The following ZC3H13 variants were observed in gnomAD, a reference collection of about 807,000 sequenced individuals.
ZC3H13 encodes zinc finger CCCH-type containing 13.
Under a neutral mutation model 204.1 loss-of-function variants are expected in ZC3H13, and 64 were observed. The observed-to-expected ratio is 0.31, with a 90% CI of 0.26 to 0.39. The LOEUF (loss-of-function observed/expected upper bound fraction) is 0.39, where lower values mean the gene tolerates loss of function less well. Among genes scored for constraint, ZC3H13 ranks in the 10% least tolerant of loss-of-function variants. ZC3H13 has a pLI of 1.00. For synonymous variants in ZC3H13, 667 were observed against 693.7 expected, an observed-to-expected ratio of 0.96 and a Z score of 0.60; for missense variants, 1,833 against 2,082.7, an observed-to-expected ratio of 0.88 and a Z score of 2.33.
intron 10 of ZC3H13, among the ~76,000 whole-genome samples, chr13:45,983,413 ATT>A (rs1555277661): frequency 1.3e-4 from 4 of 31,130 alleles, no homozygotes; most frequent in South Asian, 1.0e-3. Flanking sequence ...ATATATATAT[ATT>A]TTTTTTTTTT....
chr13:45,979,928 T>G lies in ZC3H13; in HGVS notation c.1797A>C (p.Arg599=), dbSNP rs1226990575. 1.2e-6 allele frequency: 2 copies of G among 1,612,644 alleles called. No homozygotes were observed. Among genetic ancestry groups the G allele is most frequent in the South Asian group, 2.2e-5 (2 of 90,964 alleles). The change falls in exon 11 of 19, where the codon CGA becomes CGC. Residue 599 remains arginine, a synonymous_variant. Transcript: ENST00000679008. Reference sequence around the variant, plus strand: ...ATCTATCTCTTTCAGGATAGCTACTTCGAGTTTCCCAGCTGTCATGATAGT... The same window carrying G: ...ATCTATCTCTTTCAGGATAGCTACTGCGAGTTTCCCAGCTGTCATGATAGT... ...NSNYHDSWET[R]SSYPERDRYP... is the part of the protein sequence containing the mutation.
chr13:45,964,852 A>C (rs1951959234), intron 16 of ZC3H13, among the ~76,000 whole-genome samples: 1 of 152,182 alleles, frequency 6.6e-6, no homozygotes, highest in South Asian at 2.1e-4. Flanking sequence ...AAATTGATAG[A>C]GGTATATAGT....
chr13:45,975,868 T>A (rs763545784), intron 11 of ZC3H13, 30 bp from the exon 12 acceptor site: 2 of 1,597,912 alleles, frequency 1.3e-6, no homozygotes, highest in Non-Finnish European at 1.7e-6. Context: ...TTGTCAGTGA[T>A]TAATTTGACA....
intron 4 of ZC3H13, among the ~76,000 whole-genome samples, chr13:46,032,302 T>TA (rs1210894103): frequency 6.7e-6 from 1 of 148,618 alleles, no homozygotes; most frequent in Non-Finnish European, 1.5e-5. Context: ...CTGTACTTGA[T>TA]ATCTTAAGTA....
chr13:45,962,188 CAAGA>C, intron 17 of ZC3H13: 1 of 985,288 alleles, frequency 1.0e-6, no homozygotes, highest in Non-Finnish European at 1.2e-6. Flanking sequence ...TGGCAGTAAA[CAAGA>C]CAAAGTCTTT....
intron 8 of ZC3H13, among the ~76,000 whole-genome samples, chr13:45,991,426 A>C (rs1406601800): frequency 6.6e-6 from 1 of 152,184 alleles, no homozygotes; most frequent in African/African-American, 2.4e-5. Flanking sequence ...CTTTTTAATC[A>C]TATTTTCTTT....
chr13:45,957,640 T>C (rs1951359171), intron 18 of ZC3H13, among the ~76,000 whole-genome samples: 2 of 152,214 alleles, frequency 1.3e-5, no homozygotes, highest in Non-Finnish European at 2.9e-5. Context: ...GCACTATTTC[T>C]TCCATGTGAT....
chr13:46,003,203 T>C lies in ZC3H13; in HGVS notation c.880A>G (p.Thr294Ala), dbSNP rs763237553. The change falls in exon 8 of 19, where the codon ACA (threonine) becomes GCA (alanine). Residue 294 changes from threonine to alanine, a missense_variant. Thr to Ala is a moderately conservative substitution (Grantham distance 58, BLOSUM62 0). This residue lies in a region of ZC3H13 where 1,574 missense variants were observed against 1,757.2 expected (regional missense o/e 0.90). Transcript: ENST00000679008. ...YKVKDRIEEK[T>A]RDGKDRGRDF... ...CGTCCTCTGTCCTTTCCATCTCTTG[T>C]TTTTTCTTCTATCCTGTCTTTTACT... 2.4e-5 allele frequency: 38 copies of C among 1,613,124 alleles called. No individual in the cohort carries two copies. Among genetic ancestry groups the C allele is most frequent in the Non-Finnish European group, 3.2e-5 (38 of 1,179,804 alleles).
At position 46,032,996 on chromosome 13, in the gene ZC3H13, T is replaced by C. The variant is rs548709487; in HGVS notation, c.339+9168A>G. Among the ~76,000 whole-genome samples, 6 of 152,098 alleles carry C rather than the reference T, an allele frequency of 3.9e-5. No homozygotes were observed. The South Asian group carries it at 6.2e-4, about 16-fold the overall frequency. On this transcript the variant is annotated intron_variant, in intron 4 of 18. Transcript: ENST00000679008. ...TATATATGTAAATATTAAATATATA[T>C]ATGTGTGTATTAAAACAGCCGGATT...
rs1311264663 is a variant in ZC3H13, at chr13:45,979,446, G to A, written c.1912+367C>T. On this transcript the variant is annotated intron_variant, in intron 11 of 18. Transcript: ENST00000679008. ...AAATTCTATTGATCATAGCAAATGA[G>A]TGAGTAGACAGGATACTCAGATGTA... 2.0e-5 allele frequency among the ~76,000 whole-genome samples: 3 copies of A among 152,018 alleles called. No individual in the cohort carries two copies. The East Asian group carries it at 5.8e-4, about 29-fold the overall frequency.
At chr13:45,979,766 G>T in intron 11 of ZC3H13, 47 bp downstream of exon 11, 1 of 1,476,952 alleles carries the variant, frequency 6.8e-7, no homozygotes, top group Non-Finnish European at 9.0e-7. Flanking sequence ...AAAACAATTC[G>T]CCCAATTGAT....
chr13:46,043,836 C>T (rs1228737497), intron 3 of ZC3H13, among the ~76,000 whole-genome samples: 7 of 151,818 alleles, frequency 4.6e-5, no homozygotes, highest in Admixed American at 6.6e-5. Flanking sequence ...AATAAAAATT[C>T]TGAGTCAGCT....
At chr13:46,048,159 T>C (rs146119445) in intron 1 of ZC3H13, among the ~76,000 whole-genome samples, 185 of 152,316 alleles carry the variant, frequency 1.2e-3, no homozygotes, top group African/African-American at 4.4e-3. Context: ...GGGTTCCAGG[T>C]ATTAACTCTA....
intron 18 of ZC3H13, among the ~76,000 whole-genome samples, chr13:45,958,447 T>C (rs970058624): frequency 2.6e-5 from 4 of 152,156 alleles, no homozygotes; most frequent in Non-Finnish European, 5.9e-5. Context: ...TGTTTCAGAT[T>C]TGGAAATTTT....
chr13:46,042,300 A>G, intron 3 of ZC3H13, 25 bp from the exon 4 acceptor site: 1 of 1,555,108 alleles, frequency 6.4e-7, no homozygotes, highest in Non-Finnish European at 8.8e-7. Flanking sequence ...ACAGAAACAA[A>G]ACAAAAAACG....
At chr13:46,038,964 G>C (rs539168396) in intron 4 of ZC3H13, among the ~76,000 whole-genome samples, 13 of 152,336 alleles carry the variant, frequency 8.5e-5, no homozygotes, top group African/African-American at 2.4e-4. Context: ...AGAGGTTGCA[G>C]TGAGCAGAGA....
intron 14 of ZC3H13, 145 bp downstream of exon 14, chr13:45,968,603 G>A (rs1952292711): frequency 1.0e-6 from 1 of 979,270 alleles, no homozygotes; most frequent in Non-Finnish European, 1.5e-6. Flanking sequence ...CATTTTGATA[G>A]GGCAGCTAAA....
intron 4 of ZC3H13, among the ~76,000 whole-genome samples, chr13:46,027,400 C>T (rs7982998): frequency 0.75 from 114,133 of 152,216 alleles, 43,288 homozygotes; most frequent in African/African-American, 0.85. Context: ...CCACTGTGCC[C>T]GGTGAGATAC....
At position 45,954,798 on chromosome 13, in the gene ZC3H13, G is replaced by A. The variant is rs1054130135; in HGVS notation, c.*2329C>T. The A allele has an allele frequency of 5.3e-5, 8 of 152,210 alleles. No homozygotes were observed. Among genetic ancestry groups the A allele is most frequent in the African/African-American group, 1.9e-4 (8 of 41,450 alleles). The allele number at this position is 152,210 out of a possible 1,614,324, so 9.4% of individuals were successfully genotyped here. ...AAATCCTAATGTAGTCATAGGCTAGGATGGTGACGACAATCTGCAATTACT... is the reference window on the plus strand; with the variant it reads ...AAATCCTAATGTAGTCATAGGCTAGAATGGTGACGACAATCTGCAATTACT... On this transcript the variant is annotated 3_prime_UTR_variant, in exon 19 of 19. Transcript: ENST00000679008.
Sources: gnomAD v4.1 joint callset for allele counts (sites outside exome capture counted in the v4.1 genomes callset) on GRCh38, gnomAD v4.1.1 for gene constraint, gnomAD v4.1.1 regional missense constraint, MANE v1.5 for transcripts, NCBI Gene and HGNC (gene_info 2026-07-23, HGNC 2026-07-21) for gene names.